TUBA1C: variants seen among roughly 807,000 people sequenced by gnomAD.
TUBA1C encodes tubulin alpha 1c, also known as tubulin alpha-1C chain.
A neutral mutation model predicts 34.9 loss-of-function variants in TUBA1C; 16 were observed. The ratio of observed to expected loss-of-function variants is 0.46; its 90% CI spans 0.31 to 0.70. TUBA1C has a LOEUF of 0.70. Among genes scored for constraint, TUBA1C ranks in the 30% least tolerant of loss-of-function variants. The pLI is 0.05. For missense variants in TUBA1C, 329 were observed against 587.3 expected (o/e 0.56, Z 4.55); for synonymous variants, 177 against 215.9 (o/e 0.82, Z 1.58).
intron 1 of TUBA1C, among the ~76,000 whole-genome samples, chr12:49,259,285 T>G (rs1942819592): frequency 6.6e-6 from 1 of 151,980 alleles, no homozygotes; most frequent in Non-Finnish European, 1.5e-5. Flanking sequence ...CAGGCTGGAA[T>G]GCAGTGTGCG....
chr12:49,272,281 T>G lies in TUBA1C; in HGVS notation c.404T>G (p.Phe135Cys), dbSNP rs1242999575. ...GACCAGTGCACCGGTCTTCAGGGCT[T>G]CTTGGTTTTCCACAGCTTTGGTGGG... ...LADQCTGLQG[F>C]LVFHSFGGGT... The change falls in exon 4 of 4, where the codon TTC (phenylalanine) becomes TGC (cysteine). Residue 135 changes from phenylalanine to cysteine, a missense_variant. Physicochemically the swap from Phe to Cys is radical, Grantham distance 205. Transcript: ENST00000301072. The G allele has an allele frequency of 3.1e-6, 5 of 1,613,172 alleles. No homozygotes were observed. The highest frequency in any genetic ancestry group is 4.2e-6 in the Non-Finnish European group (5 of 1,179,486).
chr12:49,231,342 T>A (rs924369946), intron 1 of TUBA1C, among the ~76,000 whole-genome samples: 3 of 152,072 alleles, frequency 2.0e-5, no homozygotes, highest in Non-Finnish European at 2.9e-5. Flanking sequence ...CTCTAATTTT[T>A]AAAAAATTTT....
At chr12:49,231,723 G>A (rs1942500071) in intron 1 of TUBA1C, among the ~76,000 whole-genome samples, 1 of 152,072 alleles carries the variant, frequency 6.6e-6, no homozygotes, top group African/African-American at 2.4e-5. Flanking sequence ...CAGACAGATA[G>A]ATAGATAGAT....
At chr12:49,234,892 A>G (rs561907306) in intron 1 of TUBA1C, among the ~76,000 whole-genome samples, 1 of 152,136 alleles carries the variant, frequency 6.6e-6, no homozygotes, top group African/African-American at 2.4e-5. Context: ...ATCTCGGCTC[A>G]CTGCAACCTC....
intron 1 of TUBA1C, among the ~76,000 whole-genome samples, chr12:49,254,946 AT>A (rs796839195): frequency 3.6e-4 from 53 of 148,672 alleles, no homozygotes; most frequent in African/African-American, 7.1e-4. Context: ...AAACACATAT[AT>A]TTTTTTTTTA....
At chr12:49,239,673 G>A (rs962720600) in intron 1 of TUBA1C, among the ~76,000 whole-genome samples, 1 of 151,530 alleles carries the variant, frequency 6.6e-6, no homozygotes, top group African/African-American at 2.4e-5. Context: ...AATAAATTGC[G>A]TGAAGCTGGG....
At chr12:49,231,949 T>C (rs1012744457) in intron 1 of TUBA1C, among the ~76,000 whole-genome samples, 1 of 152,202 alleles carries the variant, frequency 6.6e-6, no homozygotes, top group Non-Finnish European at 1.5e-5. Context: ...ACGTCACCTA[T>C]AGAACCTGAG....
At chr12:49,238,534 G>A (rs1942581269) in intron 1 of TUBA1C, among the ~76,000 whole-genome samples, 1 of 152,090 alleles carries the variant, frequency 6.6e-6, no homozygotes, top group African/African-American at 2.4e-5. Context: ...GTTTTTACTG[G>A]CTATAAATGA....
intron 1 of TUBA1C, among the ~76,000 whole-genome samples, chr12:49,265,420 T>A (rs537618467): frequency 6.6e-6 from 1 of 152,342 alleles, no homozygotes; most frequent in African/African-American, 2.4e-5. Flanking sequence ...AAAGCCCTCT[T>A]GATCCTAGTG....
At chr12:49,247,958 A>AAG (rs1216686498) in intron 1 of TUBA1C, among the ~76,000 whole-genome samples, 1 of 150,716 alleles carries the variant, frequency 6.6e-6, no homozygotes, top group East Asian at 2.0e-4. Context: ...AAAAAAAAAA[A>AAG]AAAAAGAGAG....
intron 1 of TUBA1C, among the ~76,000 whole-genome samples, chr12:49,240,024 C>T (rs1298888469): frequency 2.3e-5 from 3 of 129,434 alleles, no homozygotes; most frequent in Admixed American, 9.1e-5. Context: ...TGCCTCCACC[C>T]TCAGAGCACA....
chr12:49,232,009 TG>T (rs1237847202), intron 1 of TUBA1C, among the ~76,000 whole-genome samples: 1 of 152,176 alleles, frequency 6.6e-6, no homozygotes, highest in African/African-American at 2.4e-5. Context: ...ATTTCCTGGC[TG>T]GGGGTGGCTC....
chr12:49,267,605 A>G (rs1942932320), intron 1 of TUBA1C, among the ~76,000 whole-genome samples: 1 of 152,136 alleles, frequency 6.6e-6, no homozygotes, highest in South Asian at 2.1e-4. Flanking sequence ...TTTCCACTGC[A>G]CTCCAGCCTG....
Position 49,269,749 on chromosome 12 carries a change from G to A in TUBA1C, c.226+62G>A, listed in dbSNP as rs552058358. 1,540 of 1,608,854 alleles carry A rather than the reference G, an allele frequency of 9.6e-4. 1 individual carries two copies. The highest frequency in any genetic ancestry group is 1.2e-3 in the Non-Finnish European group (1,401 of 1,179,358). On this transcript the variant is annotated intron_variant, in intron 2 of 3. Transcript: ENST00000301072. ...GTGCTGGGACAGGAGGTCTGTCCTG[G>A]GGGGGCTCCGCTGGTCACTCACCCA...
chr12:49,256,502 C>T (rs975176181), intron 1 of TUBA1C: 2 of 448,632 alleles, frequency 4.5e-6, no homozygotes, highest in Non-Finnish European at 9.0e-6. Context: ...CCGTATCACC[C>T]ATTTACAAGG....
intron 1 of TUBA1C, among the ~76,000 whole-genome samples, chr12:49,232,478 G>C (rs1400952881): frequency 6.6e-6 from 1 of 152,180 alleles, no homozygotes; most frequent in African/African-American, 2.4e-5. Flanking sequence ...AGTGCTTGGG[G>C]AGTGGCACGC....
chr12:49,243,007 C>T (rs2136995184), intron 1 of TUBA1C, among the ~76,000 whole-genome samples: 1 of 152,184 alleles, frequency 6.6e-6, no homozygotes, highest in East Asian at 1.9e-4. Context: ...GGGTTTTTGA[C>T]ATGTTGCTCG....
At chr12:49,231,458 G>A (rs1942496036) in intron 1 of TUBA1C, among the ~76,000 whole-genome samples, 1 of 152,072 alleles carries the variant, frequency 6.6e-6, no homozygotes, top group South Asian at 2.1e-4. Context: ...GTGTGAGCCA[G>A]CACTAATTTC....
chr12:49,243,555 C>T (rs1942639277), intron 1 of TUBA1C, among the ~76,000 whole-genome samples: 1 of 152,144 alleles, frequency 6.6e-6, no homozygotes, highest in Non-Finnish European at 1.5e-5. Context: ...GAACATCGCA[C>T]ATAGCATAGT....
Sources: allele counts gnomAD v4.1 joint callset (sites outside exome capture counted in the v4.1 genomes callset), GRCh38; gene constraint gnomAD v4.1.1; transcripts MANE v1.5; gene names NCBI Gene and HGNC (gene_info 2026-07-23, HGNC 2026-07-21).